The following SERINC5 variants were observed in gnomAD, a reference collection of about 807,000 sequenced individuals.
SERINC5 encodes serine incorporator 5.
SERINC5 carries 41 observed loss-of-function variants against 63.1 expected under a neutral mutation model. The observed-to-expected ratio is 0.65, with a 90% CI of 0.51 to 0.84. The LOEUF (loss-of-function observed/expected upper bound fraction) is 0.84, where lower values mean the gene tolerates loss of function less well. Ranked by LOEUF, SERINC5 falls within the 40% of genes least tolerant of loss-of-function variation. SERINC5 has a pLI of 0.00. For synonymous variants in SERINC5, 222 were observed against 215.2 expected, an observed-to-expected ratio of 1.03 and a Z score of -0.28; for missense variants, 523 against 573.0, an observed-to-expected ratio of 0.91 and a Z score of 0.89.
chr5:80,227,368 G>T (rs1289437252), intron 1 of SERINC5, among the ~76,000 whole-genome samples: 1 of 152,094 alleles, frequency 6.6e-6, no homozygotes, highest in East Asian at 1.9e-4. Context: ...GTCGAGATAG[G>T]AACTCAGTCA....
intron 9 of SERINC5, among the ~76,000 whole-genome samples, chr5:80,149,181 T>G (rs994152118): frequency 6.6e-6 from 1 of 152,212 alleles, no homozygotes; most frequent in African/African-American, 2.4e-5. Flanking sequence ...ACTTGGAGAC[T>G]TGCTGTTCTT....
intron 1 of SERINC5, among the ~76,000 whole-genome samples, chr5:80,210,597 G>A (rs931805048): frequency 6.6e-6 from 1 of 151,880 alleles, no homozygotes; most frequent in Non-Finnish European, 1.5e-5. Context: ...CAACAAGAAG[G>A]CCAAACATAT....
chr5:80,208,999 G>A (rs1047933266), intron 1 of SERINC5, among the ~76,000 whole-genome samples: 1 of 152,162 alleles, frequency 6.6e-6, no homozygotes, highest in African/African-American at 2.4e-5. Flanking sequence ...GACCAGGCGC[G>A]GTGGATCACG....
chr5:80,223,252 G>A (rs961433388), intron 1 of SERINC5, among the ~76,000 whole-genome samples: 23 of 152,118 alleles, frequency 1.5e-4, no homozygotes, highest in African/African-American at 4.8e-4. Flanking sequence ...GACCCCTCGC[G>A]TGAATATCAA....
rs1751530598 is a variant in SERINC5, at chr5:80,233,193, AGGAGGGCGG to A, written c.27+22694_27+22702del. On this transcript the variant is annotated intron_variant, in intron 1 of 11. Coordinates refer to ENST00000507668, the MANE Select transcript of SERINC5 (RefSeq NM_001174072.3). ...GTAATCCCAGCACTTTGGGAGGCCA[AGGAGGGCGG>A]ATCATCTGAGGTCGAGAGTTCGAGA... is the stretch of plus-strand genomic sequence containing the variant. Among the ~76,000 whole-genome samples the A allele has an allele frequency of 3.9e-5, 6 of 152,352 alleles. 1 individual carries two copies. In the South Asian group the frequency reaches 1.2e-3, roughly 32 times the overall value.
At chr5:80,211,183 G>A (rs1561429734) in intron 1 of SERINC5, among the ~76,000 whole-genome samples, 1 of 152,220 alleles carries the variant, frequency 6.6e-6, no homozygotes, top group Non-Finnish European at 1.5e-5. Context: ...AAAAAGTGGA[G>A]CAGCGGTAAG....
chr5:80,220,761 G>A (rs1228175689), intron 1 of SERINC5, among the ~76,000 whole-genome samples: 1 of 152,090 alleles, frequency 6.6e-6, no homozygotes, highest in Non-Finnish European at 1.5e-5. Context: ...GTGAAGTGGG[G>A]AGGGGGGCAA....
At chr5:80,249,884 AATG>A (rs1172037153) in intron 1 of SERINC5, among the ~76,000 whole-genome samples, 17 of 152,346 alleles carry the variant, frequency 1.1e-4, no homozygotes, top group Admixed American at 3.9e-4. Flanking sequence ...CTCTCTGGGT[AATG>A]ATATGTGTGA....
At chr5:80,227,358 G>A (rs1275102130) in intron 1 of SERINC5, among the ~76,000 whole-genome samples, 5 of 152,078 alleles carry the variant, frequency 3.3e-5, no homozygotes, top group Non-Finnish European at 7.4e-5. Context: ...CTCTCCTAAG[G>A]TCGAGATAGG....
chr5:80,237,521 G>A (rs1751750814), intron 1 of SERINC5, among the ~76,000 whole-genome samples: 2 of 151,722 alleles, frequency 1.3e-5, no homozygotes, highest in South Asian at 4.2e-4. Context: ...TTTTTGTAGA[G>A]ATGGGGTTTC....
At chr5:80,181,064 A>C (rs1362219896) in intron 2 of SERINC5, among the ~76,000 whole-genome samples, 1 of 152,198 alleles carries the variant, frequency 6.6e-6, no homozygotes, top group African/African-American at 2.4e-5. Flanking sequence ...TGGCTAATGC[A>C]TAGCGCTTTG....
At chr5:80,174,524 G>A (rs962997000) in intron 5 of SERINC5, among the ~76,000 whole-genome samples, 2 of 151,866 alleles carry the variant, frequency 1.3e-5, no homozygotes, top group Admixed American at 6.6e-5. Flanking sequence ...AGAGATAAAT[G>A]AAAAAGGGAA....
chr5:80,152,110 T>C (rs1746227668), intron 8 of SERINC5, among the ~76,000 whole-genome samples: 1 of 152,218 alleles, frequency 6.6e-6, no homozygotes, highest in African/African-American at 2.4e-5. Context: ...TCCAGGCCCA[T>C]GCCACTCCAC....
intron 1 of SERINC5, among the ~76,000 whole-genome samples, chr5:80,207,515 T>C (rs1293812745): frequency 1.3e-5 from 2 of 152,082 alleles, no homozygotes; most frequent in African/African-American, 2.4e-5. Flanking sequence ...GGCAGACAAA[T>C]AGCAACAGAA....
At chr5:80,198,549 C>T in intron 2 of SERINC5, 1 of 985,458 alleles carries the variant, frequency 1.0e-6, no homozygotes, top group Admixed American at 6.1e-5. Context: ...CACTTACACA[C>T]TCCCATCCGG....
intron 1 of SERINC5, among the ~76,000 whole-genome samples, chr5:80,232,861 G>A (rs1203044691): frequency 6.6e-6 from 1 of 152,066 alleles, no homozygotes; most frequent in Non-Finnish European, 1.5e-5. Flanking sequence ...CTAAGTTAAA[G>A]AAGTAGTCCT....
intron 11 of SERINC5, chr5:80,116,466 C>T (rs1580010534): frequency 2.5e-6 from 1 of 400,746 alleles, no homozygotes; most frequent in East Asian, 7.3e-5. Flanking sequence ...TTCCCTGGGA[C>T]TTGCATGCTA....
In SERINC5 at chr5:80,150,052, C is replaced by G. The variant is rs561986354; in HGVS notation, c.1053+830G>C. 2.6e-5 allele frequency among the ~76,000 whole-genome samples: 4 copies of G among 152,344 alleles called. No individual in the cohort carries two copies. In the South Asian group the frequency reaches 6.2e-4, roughly 24 times the overall value. ...GTCCATAACACTCTACCTGACAAAACGCCCACCTGATGGAACTGACAAATG... is the reference window on the plus strand; with the variant it reads ...GTCCATAACACTCTACCTGACAAAAGGCCCACCTGATGGAACTGACAAATG... On this transcript the variant is annotated intron_variant, in intron 9 of 11. Transcript: ENST00000507668.
chr5:80,245,932 A>G (rs1752148552), intron 1 of SERINC5, among the ~76,000 whole-genome samples: 1 of 149,384 alleles, frequency 6.7e-6, no homozygotes, highest in Non-Finnish European at 1.5e-5. Flanking sequence ...ATATTTATCA[A>G]TTGACATTTT....
Sources: gnomAD v4.1 joint callset for allele counts (sites outside exome capture counted in the v4.1 genomes callset) on GRCh38, gnomAD v4.1.1 for gene constraint, MANE v1.5 for transcripts, NCBI Gene and HGNC (gene_info 2026-07-23, HGNC 2026-07-21) for gene names.